The following GRXCR1 variants were observed in gnomAD, a reference collection of about 807,000 sequenced individuals.
GRXCR1 encodes glutaredoxin and cysteine rich domain containing 1, also known as glutaredoxin domain-containing cysteine-rich protein 1.
A neutral mutation model predicts 27.3 loss-of-function variants in GRXCR1; 27 were observed. The observed-to-expected ratio is 0.99, with a 90% CI of 0.73 to 1.37. The LOEUF (loss-of-function observed/expected upper bound fraction) is 1.37, where lower values mean the gene tolerates loss of function less well. Among genes scored for constraint, GRXCR1 ranks in the 40% most tolerant of loss-of-function variants. GRXCR1 has a pLI of 0.00. For missense variants in GRXCR1, 379 were observed against 354.4 expected (o/e 1.07, Z -0.56); for synonymous variants, 122 against 131.1 (o/e 0.93, Z 0.47).
Position 42,893,504 on chromosome 4 carries a change from TTGCTGGTGTTAGCAAGGGC to T in GRXCR1, c.242_260del (p.Leu81ProfsTer14), listed in dbSNP as rs1746280559. The T allele has an allele frequency of 3.1e-6, 5 of 1,613,858 alleles. No homozygotes were observed. Among genetic ancestry groups the T allele is most frequent in the Non-Finnish European group, 4.2e-6 (5 of 1,179,832 alleles). ...TGAGAATGAGAATGACCAGGATAGCTTGCTGGTGTTAGCAAGGGCTGCCAGTGAGAAGGGTTTTGGTACA... is the reference window on the plus strand; with the variant it reads ...TGAGAATGAGAATGACCAGGATAGCTTGCCAGTGAGAAGGGTTTTGGTACA... On this transcript the variant is annotated frameshift_variant, in exon 1 of 4. Coordinates refer to ENST00000399770, the MANE Select transcript of GRXCR1 (RefSeq NM_001080476.3). LOFTEE classifies it high-confidence loss of function.
chr4:42,987,573 C>T (rs1711819423), intron 2 of GRXCR1, among the ~76,000 whole-genome samples: 1 of 151,888 alleles, frequency 6.6e-6, no homozygotes, highest in South Asian at 2.1e-4. Context: ...CTGGCCTAAA[C>T]AATAAGAAGA....
At chr4:42,897,178 T>A (rs1416337046) in intron 1 of GRXCR1, among the ~76,000 whole-genome samples, 1 of 152,202 alleles carries the variant, frequency 6.6e-6, no homozygotes, top group Admixed American at 6.5e-5. Context: ...TGATTGGATT[T>A]GAGATATACT....
intron 1 of GRXCR1, among the ~76,000 whole-genome samples, chr4:42,939,401 G>T (rs938777502): frequency 4.0e-5 from 6 of 151,834 alleles, no homozygotes; most frequent in Non-Finnish European, 8.8e-5. Flanking sequence ...CCGTTTTTTG[G>T]TGGAGTCTTT....
chr4:42,896,363 A>G (rs187227092), intron 1 of GRXCR1, among the ~76,000 whole-genome samples: 1 of 152,272 alleles, frequency 6.6e-6, no homozygotes, highest in East Asian at 1.9e-4. Context: ...TTTACCTTAT[A>G]TAATCCTGGG....
intron 1 of GRXCR1, among the ~76,000 whole-genome samples, chr4:42,911,316 A>G (rs1323987263): frequency 3.3e-5 from 5 of 152,166 alleles, no homozygotes; most frequent in African/African-American, 1.2e-4. Flanking sequence ...TGCCTCTAAT[A>G]CATATAATCA....
intron 1 of GRXCR1, among the ~76,000 whole-genome samples, chr4:42,910,823 T>A (rs1276633802): frequency 6.6e-6 from 1 of 152,176 alleles, no homozygotes; most frequent in Non-Finnish European, 1.5e-5. Flanking sequence ...ATTGTCTGAT[T>A]CTTTTTGGAA....
intron 1 of GRXCR1, among the ~76,000 whole-genome samples, chr4:42,944,592 T>C (rs146040843): frequency 9.6e-4 from 146 of 152,226 alleles, no homozygotes; most frequent in Non-Finnish European, 1.5e-3. Context: ...ATTTTATGAA[T>C]ACCAGAATCA....
chr4:43,018,481 G>A (rs17534964), intron 2 of GRXCR1, among the ~76,000 whole-genome samples: 2,694 of 152,246 alleles, frequency 0.018, 46 homozygotes, highest in Middle Eastern at 0.037. Context: ...ATCTTCTCCC[G>A]TGGTAGTAAT....
chr4:42,993,559 C>T (rs1712043419), intron 2 of GRXCR1, among the ~76,000 whole-genome samples: 1 of 152,104 alleles, frequency 6.6e-6, no homozygotes, highest in Non-Finnish European at 1.5e-5. Context: ...TTACCTTAAA[C>T]ATGCTCAGAA....
chr4:42,911,234 C>G (rs916996719), intron 1 of GRXCR1, among the ~76,000 whole-genome samples: 10 of 152,114 alleles, frequency 6.6e-5, no homozygotes, highest in African/African-American at 2.4e-4. Flanking sequence ...AAAATCCAAT[C>G]TAATTTTAGG....
chr4:43,006,548 C>T lies in GRXCR1; in HGVS notation c.628-13806C>T, dbSNP rs560335402. Among the ~76,000 whole-genome samples, 55 of 152,234 alleles carry T rather than the reference C, an allele frequency of 3.6e-4. No individual in the cohort carries two copies. The East Asian group carries it at 9.8e-3, about 27-fold the overall frequency. Reference sequence around the variant, plus strand: ...CCCAGTCTCCCATAGCACTCCCAGGCTTATTAGGAAGAGGAAATTCCCACC... The same window carrying T: ...CCCAGTCTCCCATAGCACTCCCAGGTTTATTAGGAAGAGGAAATTCCCACC... On this transcript the variant is annotated intron_variant, in intron 2 of 3. Transcript: ENST00000399770.
chr4:42,922,878 A>G (rs1245839396), intron 1 of GRXCR1, among the ~76,000 whole-genome samples: 1 of 152,062 alleles, frequency 6.6e-6, no homozygotes, highest in Non-Finnish European at 1.5e-5. Flanking sequence ...CACTTCACCT[A>G]CGGTATCCTC....
At position 42,963,033 on chromosome 4, in the gene GRXCR1, G is replaced by A; in HGVS notation, c.526G>A (p.Ala176Thr). ...CGTAAAATTTGAAGAGAAAAACATAGCCCTGAATGGTGAATATGGAAAAGA... is the reference window on the plus strand; with the variant it reads ...CGTAAAATTTGAAGAGAAAAACATAACCCTGAATGGTGAATATGGAAAAGA... ...HRVKFEEKNI[A>T]LNGEYGKELD... The change falls in exon 2 of 4, where the codon GCC (alanine) becomes ACC (threonine). Residue 176 changes from alanine (A) to threonine (T), a missense_variant. Ala to Thr is a moderately conservative substitution (Grantham distance 58). Coordinates refer to ENST00000399770, the MANE Select transcript of GRXCR1 (RefSeq NM_001080476.3). 5 of 1,612,858 alleles carry A rather than the reference G, an allele frequency of 3.1e-6. No homozygotes were observed. The highest frequency in any genetic ancestry group is 4.5e-5 in the East Asian group (2 of 44,844).
At chr4:42,925,319 AT>A (rs1560651518) in intron 1 of GRXCR1, among the ~76,000 whole-genome samples, 2 of 152,030 alleles carry the variant, frequency 1.3e-5, no homozygotes, top group African/African-American at 4.8e-5. Flanking sequence ...TGGAAGTAGG[AT>A]GTTCCAACAA....
intron 2 of GRXCR1, among the ~76,000 whole-genome samples, chr4:42,985,800 A>G (rs1347151258): frequency 1.3e-5 from 2 of 152,214 alleles, no homozygotes; most frequent in Non-Finnish European, 2.9e-5. Flanking sequence ...TTGATTATCA[A>G]AAAGTTAAAA....
rs527281812 is a variant in GRXCR1, at chr4:42,965,863, A to G, written c.627+2729A>G. On this transcript the variant is annotated intron_variant, in intron 2 of 3. Coordinates refer to ENST00000399770, the MANE Select transcript of GRXCR1 (RefSeq NM_001080476.3). ...AACATTTTGTAGCTCCCTTTGCATT[A>G]CTGTCAGTGTTACCCAATCCAGGGT... 4.6e-5 allele frequency among the ~76,000 whole-genome samples: 7 copies of G among 152,124 alleles called. 2 individuals carry two copies. In the East Asian group the frequency reaches 1.2e-3, roughly 25 times the overall value.
intron 2 of GRXCR1, among the ~76,000 whole-genome samples, chr4:43,014,472 A>G (rs890842611): frequency 6.6e-6 from 1 of 152,164 alleles, no homozygotes; most frequent in Admixed American, 6.6e-5. Flanking sequence ...CAGCCCTGCC[A>G]TCTGCTCTCC....
Position 43,024,397 on chromosome 4 carries a change from G to C in GRXCR1, c.693+3978G>C, listed in dbSNP as rs372542588. The stretch of plus-strand genomic sequence containing the variant: ...TCCTGAGGTTCCCTGGAGAAGTATA[G>C]CTCTGTATGATGGTCCTTCCTAGGG... On this transcript the variant is annotated intron_variant, in intron 3 of 3. Coordinates refer to ENST00000399770, the MANE Select transcript of GRXCR1 (RefSeq NM_001080476.3). Among the ~76,000 whole-genome samples the C allele has an allele frequency of 1.6e-4, 24 of 152,166 alleles. No homozygotes were observed. The East Asian group carries it at 2.3e-3, about 15-fold the overall frequency.
intron 2 of GRXCR1, among the ~76,000 whole-genome samples, chr4:43,000,953 G>A (rs938368664): frequency 1.3e-5 from 2 of 151,788 alleles, no homozygotes; most frequent in African/African-American, 4.8e-5. Flanking sequence ...TTGAGAAGGC[G>A]CCTCACTCTG....
Sources: allele counts gnomAD v4.1 joint callset (sites outside exome capture counted in the v4.1 genomes callset), GRCh38; gene constraint gnomAD v4.1.1; transcripts MANE v1.5; gene names NCBI Gene and HGNC (gene_info 2026-07-23, HGNC 2026-07-21).